The following SPTB variants were observed in gnomAD, a reference collection of about 807,000 sequenced individuals.
SPTB encodes spectrin beta chain, erythrocytic.
A neutral mutation model predicts 256.2 loss-of-function variants in SPTB; 45 were observed. The ratio of observed to expected loss-of-function variants is 0.18; its 90% CI spans 0.14 to 0.23. The LOEUF is 0.23. SPTB is among the 10% of genes least tolerant of loss of function. The probability of loss-of-function intolerance (pLI) is 1.00; values close to 1 mark genes in which losing one functional copy is unlikely to be tolerated. For synonymous variants in SPTB, 1,231 were observed against 1,243.1 expected, an observed-to-expected ratio of 0.99 and a Z score of 0.21; for missense variants, 2,715 against 3,040.4, an observed-to-expected ratio of 0.89 and a Z score of 2.52.
In SPTB at chr14:64,749,404, C is replaced by T. The variant is rs2081905962; in HGVS notation, c.6889G>A (p.Ala2297Thr). 3.7e-6 allele frequency: 6 copies of T among 1,608,298 alleles called. No homozygotes were observed. Among genetic ancestry groups the T allele is most frequent in the Non-Finnish European group, 5.1e-6 (6 of 1,179,732 alleles). ...AGGGAAGGCAGGGGCAGGCTCTGCG[C>T]CTTGACGCGGATGCTCTGGGACTCG... ...INESQSIRVK[A>T]QSLPLPSLSG... Residue 2297 changes from alanine (A) to threonine (T), a missense_variant, in exon 36 of 36, where the codon GCG becomes ACG. Transcript: ENST00000644917. This position sits in a 1 kb window ranked among gnomAD's most constrained non-coding sequence, Gnocchi z 4.7.
chr14:64,865,634 G>A (rs1334563492), intron 1 of SPTB, among the ~76,000 whole-genome samples: 1 of 152,134 alleles, frequency 6.6e-6, no homozygotes, highest in Non-Finnish European at 1.5e-5. Flanking sequence ...GCACCCACTG[G>A]GCTCACCAGC....
Position 64,759,237 on chromosome 14 carries a change from G to C in SPTB, c.6346-5444C>G, listed in dbSNP as rs2082059502. 9.2e-6 allele frequency among the ~76,000 whole-genome samples: 1 copy of C among 109,000 alleles called. No individual in the cohort carries two copies. Among genetic ancestry groups the C allele is most frequent in the South Asian group, 2.4e-4 (1 of 4,118 alleles). 71.5% of individuals were successfully genotyped at this position (109,000 alleles called of 152,430 possible). On this transcript the variant is annotated intron_variant, in intron 32 of 35. Transcript: ENST00000644917. This position sits in a 1 kb window ranked among gnomAD's most constrained non-coding sequence, Gnocchi z 4.8. ...ACCACAGGTGGTGTGGGAAGGCAGG[G>C]AGCCAAGTAGCTAGGCAGGGAGCCA... is the stretch of plus-strand genomic sequence containing the variant.
At position 64,807,872 on chromosome 14, in the gene SPTB, A is replaced by T. The variant is rs948527314; in HGVS notation, c.149-2782T>A. The stretch of plus-strand genomic sequence containing the variant: ...CCATCCTACTGGGACCCACCATGGG[A>T]AGGAGGCCTCAGCACAGCCCTGCCA... On this transcript the variant is annotated intron_variant, in intron 2 of 35. Coordinates refer to ENST00000644917, the MANE Select transcript of SPTB (RefSeq NM_001355436.2). This position sits in a 1 kb window ranked among gnomAD's most constrained non-coding sequence, Gnocchi z 4.7. Among the ~76,000 whole-genome samples the T allele has an allele frequency of 1.3e-5, 2 of 152,190 alleles. No individual in the cohort carries two copies. The highest frequency in any genetic ancestry group is 4.8e-5 in the African/African-American group (2 of 41,456).
In SPTB at chr14:64,793,524, C is replaced by T. The variant is rs1461926693; in HGVS notation, c.2139G>A (p.Gln713=). Residue 713 remains glutamine (Q), a synonymous_variant, in exon 14 of 36, where the codon CAG becomes CAA. Transcript: ENST00000644917. This position sits in a 1 kb window ranked among gnomAD's most constrained non-coding sequence, Gnocchi z 7.0. ...MVARKQFGHP[Q]IEARIKEVSA... Reference sequence around the variant, plus strand: ...ACACCTCCTTTATGCGGGCCTCGATCTGCGGGTGCCCAAACTGCTTGCGCG... The same window carrying T: ...ACACCTCCTTTATGCGGGCCTCGATTTGCGGGTGCCCAAACTGCTTGCGCG... 6.2e-7 allele frequency: 1 copy of T among 1,614,192 alleles called. No individual in the cohort carries two copies. Among genetic ancestry groups the T allele is most frequent in the Non-Finnish European group, 8.5e-7 (1 of 1,180,042 alleles).
chr14:64,812,212 G>A (rs2083102409), intron 2 of SPTB, among the ~76,000 whole-genome samples: 1 of 152,190 alleles, frequency 6.6e-6, no homozygotes, highest in African/African-American at 2.4e-5. Context: ...GCCTCCCAAG[G>A]TGCTGGGATT....
chr14:64,793,107 C>T lies in SPTB; in HGVS notation c.2556G>A (p.Thr852=), dbSNP rs141787926. The T allele has an allele frequency of 3.3e-5, 54 of 1,614,038 alleles. No homozygotes were observed. Among genetic ancestry groups the T allele is most frequent in the East Asian group, 1.6e-4 (7 of 44,904 alleles). Reference sequence around the variant, plus strand: ...CACAGGCGTCTGTCTCCCCGAACACCGTGTACAGGTCCAGGGCTTCCTGCA... The same window carrying T: ...CACAGGCGTCTGTCTCCCCGAACACTGTGTACAGGTCCAGGGCTTCCTGCA... ...QRLQEALDLY[T]VFGETDACEL... The change falls in exon 14 of 36, where the codon ACG becomes ACA. Residue 852 remains threonine (T), a synonymous_variant. Transcript: ENST00000644917. This position sits in a 1 kb window ranked among gnomAD's most constrained non-coding sequence, Gnocchi z 7.0.
intron 3 of SPTB, 152 bp from the exon 4 acceptor site, chr14:64,803,932 C>T (rs1397427096): frequency 2.4e-6 from 2 of 833,370 alleles, no homozygotes; most frequent in Non-Finnish European, 3.7e-6. Flanking sequence ...CTATTCAATG[C>T]TTTCCTTTTA....
chr14:64,870,740 A>C (rs1882481934), intron 1 of SPTB, among the ~76,000 whole-genome samples: 1 of 152,248 alleles, frequency 6.6e-6, no homozygotes. Context: ...TTAAAAGATT[A>C]TAAATAGAAT....
Position 64,773,091 on chromosome 14 carries a change from G to T in SPTB, c.5178+129C>A. ...GTCACACCTTCCCCAGGGCAGGCCTGCATCGGCTGGTCCCGCCTCACACTG... is the reference window on the plus strand; with the variant it reads ...GTCACACCTTCCCCAGGGCAGGCCTTCATCGGCTGGTCCCGCCTCACACTG... On this transcript the variant is annotated intron_variant, in intron 25 of 35. Coordinates refer to ENST00000644917, the MANE Select transcript of SPTB (RefSeq NM_001355436.2). 3 of 1,545,258 alleles carry T rather than the reference G, an allele frequency of 1.9e-6. No homozygotes were observed. In the East Asian group the frequency reaches 7.1e-5, roughly 36 times the overall value.
Position 64,753,630 on chromosome 14 carries a change from G to A in SPTB, c.6509C>T (p.Pro2170Leu), listed in dbSNP as rs754726157. The A allele has an allele frequency of 1.4e-5, 23 of 1,613,544 alleles. 1 individual carries two copies. In the East Asian group the frequency reaches 2.0e-4, roughly 14 times the overall value. The change falls in exon 33 of 36, where the codon CCG becomes CTG. Residue 2170 changes from proline (P) to leucine (L), a missense_variant. By Grantham distance (98) the Pro-to-Leu change is moderately conservative. Transcript: ENST00000644917. Reference sequence around the variant, plus strand: ...ACTCTGCCCATGGTCCCGCGGGGCCGGCAGCGTTGCGGGCTCATCACCCTC... The same window carrying A: ...ACTCTGCCCATGGTCCCGCGGGGCCAGCAGCGTTGCGGGCTCATCACCCTC... Reference protein sequence around the residue: ...LSEGDEPATLPAPRDHGQSVQ... With the variant: ...LSEGDEPATLLAPRDHGQSVQ...
At chr14:64,870,834 A>G (rs1882487638) in intron 1 of SPTB, among the ~76,000 whole-genome samples, 1 of 152,240 alleles carries the variant, frequency 6.6e-6, no homozygotes, top group Non-Finnish European at 1.5e-5. Flanking sequence ...CTGCCCACCC[A>G]TGTTCACAGC....
At position 64,787,090 on chromosome 14, in the gene SPTB, A is replaced by T. The variant is rs1354994260; in HGVS notation, c.2875T>A (p.Tyr959Asn). The change falls in exon 16 of 36, where the codon TAC (tyrosine) becomes AAC (asparagine). Residue 959 changes from tyrosine (Y) to asparagine (N), a missense_variant. Physicochemically the swap from Tyr to Asn is moderately radical, Grantham distance 143 (BLOSUM62 -2). Around this residue, in one of 4 missense-constraint regions of SPTB, gnomAD observed 2,239 missense variants for 2,384.4 expected, o/e 0.94. Transcript: ENST00000644917. ...AVDSALRVHNYCVDCEETSKW... is the reference protein window; with the variant it reads ...AVDSALRVHNNCVDCEETSKW... Reference sequence around the variant, plus strand: ...CTGGTCTCCTCGCAATCTACGCAGTAGTTGTGCACTCGGAGGGCTGAGTCC... The same window carrying T: ...CTGGTCTCCTCGCAATCTACGCAGTTGTTGTGCACTCGGAGGGCTGAGTCC... The T allele has an allele frequency of 6.2e-7, 1 of 1,612,282 alleles. No individual in the cohort carries two copies. The highest frequency in any genetic ancestry group is 1.7e-5 in the Admixed American group (1 of 60,016).
chr14:64,766,028 TGTATGTGG>T (rs1258246699), intron 32 of SPTB, among the ~76,000 whole-genome samples: 7 of 147,552 alleles, frequency 4.7e-5, no homozygotes, highest in Non-Finnish European at 4.5e-5. Flanking sequence ...TGCATATGTG[TGTATGTGG>T]GTGTGTGGGT....
chr14:64,869,168 G>A (rs1000044830), intron 1 of SPTB, among the ~76,000 whole-genome samples: 5 of 152,118 alleles, frequency 3.3e-5, no homozygotes, highest in Non-Finnish European at 7.3e-5. Context: ...TACTTGGTGG[G>A]TATTCATGGG....
rs770985779 is a variant in SPTB, at chr14:64,785,529, A to G, written c.3855+8T>C. On this transcript the variant is annotated splice_region_variant and intron_variant, in intron 18 of 35. Coordinates refer to ENST00000644917, the MANE Select transcript of SPTB (RefSeq NM_001355436.2). This position sits in a 1 kb window ranked among gnomAD's most constrained non-coding sequence, Gnocchi z 4.4. ...CAGGAAAGCAGCCACTCCTTGCTGG[A>G]GCCTCACCTCCTGGCAGTTCTGGAG... 6.2e-7 allele frequency: 1 copy of G among 1,610,458 alleles called. No homozygotes were observed. The highest frequency in any genetic ancestry group is 1.1e-5 in the South Asian group (1 of 90,382).
chr14:64,862,118 G>A (rs1161507852), intron 1 of SPTB, among the ~76,000 whole-genome samples: 1 of 152,070 alleles, frequency 6.6e-6, no homozygotes. Context: ...CACAGAACAC[G>A]CTGCAGCTGC....
chr14:64,750,347 C>A, intron 33 of SPTB, 193 bp from the exon 34 acceptor site: 1 of 634,826 alleles, frequency 1.6e-6, no homozygotes, highest in East Asian at 3.0e-5. Context: ...TTATGTATTC[C>A]TTCTAGTCTT....
intron 1 of SPTB, among the ~76,000 whole-genome samples, chr14:64,843,339 T>G (rs1280895219): frequency 6.6e-6 from 1 of 152,114 alleles, no homozygotes; most frequent in East Asian, 1.9e-4. Flanking sequence ...TGGGGCAGGA[T>G]GCAGAGCAGT....
At chr14:64,750,271 A>G in intron 33 of SPTB, 117 bp from the exon 34 acceptor site, 2 of 1,044,898 alleles carry the variant, frequency 1.9e-6, no homozygotes, top group Non-Finnish European at 2.7e-6. Context: ...ACATAGTAAC[A>G]TGTTTTATTG....
Sources: gnomAD v4.1 joint callset for allele counts (sites outside exome capture counted in the v4.1 genomes callset) on GRCh38, gnomAD v4.1.1 for gene constraint, gnomAD v4.1.1 regional missense constraint, Gnocchi (gnomAD v3.1) non-coding constraint, MANE v1.5 for transcripts, NCBI Gene and HGNC (gene_info 2026-07-23, HGNC 2026-07-21) for gene names.